Variants in DPP6 observed in about 807,000 individuals in gnomAD.
DPP6 encodes A-type potassium channel modulatory protein DPP6.
A neutral mutation model predicts 122.6 loss-of-function variants in DPP6; 69 were observed. That is an observed-to-expected ratio of 0.56 (90% CI 0.46 to 0.69). The LOEUF (loss-of-function observed/expected upper bound fraction) is 0.69, where lower values mean the gene tolerates loss of function less well. Among genes scored for constraint, DPP6 ranks in the 30% least tolerant of loss-of-function variants. DPP6 has a pLI of 0.00. For missense variants in DPP6, 928 were observed against 1,116.9 expected, an observed-to-expected ratio of 0.83 and a Z score of 2.41; for synonymous variants, 418 against 433.1, an observed-to-expected ratio of 0.97 and a Z score of 0.43.
intron 8 of DPP6, among the ~76,000 whole-genome samples, chr7:154,745,379 G>T (rs1842991115): frequency 6.6e-6 from 1 of 152,146 alleles, no homozygotes; most frequent in African/African-American, 2.4e-5. Context: ...ACAGTCACTA[G>T]GAAGATTACA....
chr7:154,575,463 G>GTGT (rs1831565663), intron 5 of DPP6, among the ~76,000 whole-genome samples: 1 of 22,772 alleles, frequency 4.4e-5, no homozygotes, highest in African/African-American at 3.5e-4. Flanking sequence ...TGTGTGNGCG[G>GTGT]GTGTATGTGT....
chr7:154,330,134 C>G (rs965186969), intron 1 of DPP6, among the ~76,000 whole-genome samples: 2 of 152,220 alleles, frequency 1.3e-5, no homozygotes, highest in African/African-American at 4.8e-5. Context: ...ACCACCATGG[C>G]ACATGTATAC....
chr7:154,779,005 C>T (rs1796799681), intron 10 of DPP6, among the ~76,000 whole-genome samples: 1 of 151,508 alleles, frequency 6.6e-6, no homozygotes, highest in Non-Finnish European at 1.5e-5. Flanking sequence ...ACAACCTCCA[C>T]CACCAGCACC....
At chr7:154,535,902 ACT>A (rs1470410059) in intron 3 of DPP6, among the ~76,000 whole-genome samples, 18 of 152,180 alleles carry the variant, frequency 1.2e-4, no homozygotes, top group Admixed American at 1.1e-3. Context: ...TGTGCATGTG[ACT>A]CTTATACAAT....
chr7:154,369,938 T>C (rs1054407889), intron 1 of DPP6, among the ~76,000 whole-genome samples: 13 of 152,210 alleles, frequency 8.5e-5, no homozygotes, highest in Non-Finnish European at 1.9e-4. Flanking sequence ...AATAAACACA[T>C]CATATTCATG....
intron 1 of DPP6, among the ~76,000 whole-genome samples, chr7:154,169,975 C>T (rs969171819): frequency 4.6e-5 from 7 of 152,110 alleles, no homozygotes; most frequent in East Asian, 1.9e-4. Context: ...CCACCCACCT[C>T]GGCCTCCCAA....
chr7:154,199,157 C>T (rs1799033074), intron 1 of DPP6, among the ~76,000 whole-genome samples: 1 of 151,974 alleles, frequency 6.6e-6, no homozygotes, highest in African/African-American at 2.4e-5. Context: ...CCCCTAATTG[C>T]AAGTCGTCAG....
intron 1 of DPP6, among the ~76,000 whole-genome samples, chr7:154,397,408 A>C (rs1175074563): frequency 6.6e-6 from 1 of 152,220 alleles, no homozygotes; most frequent in Non-Finnish European, 1.5e-5. Context: ...TCTCATTGAT[A>C]AACCTCCTTT....
intron 1 of DPP6, among the ~76,000 whole-genome samples, chr7:154,000,078 C>T (rs1471659733): frequency 1.3e-5 from 2 of 151,912 alleles, no homozygotes; most frequent in African/African-American, 4.8e-5. Context: ...TTTACAATAC[C>T]GTATGTGTTT....
chr7:154,388,896 A>G (rs1052265588), intron 1 of DPP6, among the ~76,000 whole-genome samples: 2 of 152,224 alleles, frequency 1.3e-5, no homozygotes, highest in African/African-American at 4.8e-5. Context: ...CCATTTGTCA[A>G]AGATGTATGT....
chr7:154,875,155 A>G lies in DPP6; in HGVS notation c.1884-751A>G, dbSNP rs1381766233. Among the ~76,000 whole-genome samples the G allele has an allele frequency of 3.3e-5, 5 of 150,530 alleles. No individual in the cohort carries two copies. Among genetic ancestry groups the G allele is most frequent in the African/African-American group, 1.2e-4 (5 of 41,200 alleles). ...AGAAAGAGAGAGAGAGAAGGAAAGA[A>G]GGAGGGGAGGGAGGGAGGAAGGGAG... On this transcript the variant is annotated intron_variant, in intron 19 of 25. Coordinates refer to ENST00000377770, the MANE Select transcript of DPP6 (RefSeq NM_130797.4). The surrounding 1 kb of genome is among the most constrained non-coding windows in gnomAD (Gnocchi z 4.5).
At chr7:153,899,127 C>G (rs1456929856) in intron 1 of DPP6, among the ~76,000 whole-genome samples, 2 of 152,026 alleles carry the variant, frequency 1.3e-5, no homozygotes, top group Non-Finnish European at 2.9e-5. Context: ...TCTCTCTCCT[C>G]CTCCTCCTTT....
intron 16 of DPP6, 109 bp downstream of exon 16, chr7:154,807,221 G>A (rs1039722841): frequency 4.6e-5 from 67 of 1,451,488 alleles, no homozygotes; most frequent in Admixed American, 4.4e-4. Context: ...GGAGCACAGC[G>A]TATTCCAGAA....
intron 3 of DPP6, among the ~76,000 whole-genome samples, chr7:154,487,410 C>A (rs937301830): frequency 6.6e-6 from 1 of 152,176 alleles, no homozygotes; most frequent in Non-Finnish European, 1.5e-5. Flanking sequence ...CGCCGTGCAG[C>A]GTGCCTTGTG....
In DPP6 at chr7:154,655,869, C is replaced by A. The variant is rs1445332942; in HGVS notation, c.681-13491C>A. ...TTGTCCCTTCAGGCTTTGACTAAATCTTCACGCAGACACTGGTCAGCTACC... is the reference window on the plus strand; with the variant it reads ...TTGTCCCTTCAGGCTTTGACTAAATATTCACGCAGACACTGGTCAGCTACC... On this transcript the variant is annotated intron_variant, in intron 6 of 25. Transcript: ENST00000377770. 2.6e-5 allele frequency among the ~76,000 whole-genome samples: 4 copies of A among 152,176 alleles called. No individual in the cohort carries two copies. The South Asian group carries it at 6.2e-4, about 24-fold the overall frequency.
intron 1 of DPP6, among the ~76,000 whole-genome samples, chr7:153,918,637 T>A (rs1800488282): frequency 6.9e-6 from 1 of 145,294 alleles, no homozygotes; most frequent in African/African-American, 2.6e-5. Flanking sequence ...TCACTACTGG[T>A]GATATCATCT....
At chr7:154,014,511 C>A (rs1798306616) in intron 1 of DPP6, among the ~76,000 whole-genome samples, 1 of 151,450 alleles carries the variant, frequency 6.6e-6, no homozygotes, top group Non-Finnish European at 1.5e-5. Context: ...AAAAATTAAC[C>A]ATGTGTGGTG....
chr7:154,452,757 G>A (rs1820497207), intron 2 of DPP6, among the ~76,000 whole-genome samples: 2 of 152,186 alleles, frequency 1.3e-5, no homozygotes, highest in Admixed American at 6.5e-5. Flanking sequence ...AGACCTGGAA[G>A]GGCCTCATGG....
chr7:154,262,523 C>T (rs1286080337), intron 1 of DPP6, among the ~76,000 whole-genome samples: 1 of 151,992 alleles, frequency 6.6e-6, no homozygotes, highest in Non-Finnish European at 1.5e-5. Context: ...CCAGCCGGCT[C>T]CTTGATCTCG....
Sources: gnomAD v4.1 joint callset for allele counts (sites outside exome capture counted in the v4.1 genomes callset) on GRCh38, gnomAD v4.1.1 for gene constraint, Gnocchi (gnomAD v3.1) non-coding constraint, MANE v1.5 for transcripts, NCBI Gene and HGNC (gene_info 2026-07-23, HGNC 2026-07-21) for gene names.